Variants in ARHGAP24 observed in about 807,000 individuals in gnomAD.
ARHGAP24 encodes the protein rho GTPase-activating protein 24.
In ARHGAP24, 50 loss-of-function variants were observed where a neutral mutation model predicts 76.4. The observed-to-expected ratio is 0.65, with a 90% CI of 0.52 to 0.83. The LOEUF (loss-of-function observed/expected upper bound fraction) is 0.83. Ranked by LOEUF, ARHGAP24 falls within the 40% of genes least tolerant of loss-of-function variation. The probability of loss-of-function intolerance (pLI) is 0.00; values close to 1 mark genes in which losing one functional copy is unlikely to be tolerated. For missense variants in ARHGAP24, 930 were observed against 914.2 expected (o/e 1.02, Z -0.22); for synonymous variants, 345 against 323.3 (o/e 1.07, Z -0.72).
At chr4:85,690,802 G>A (rs1356352216) in intron 2 of ARHGAP24, among the ~76,000 whole-genome samples, 7 of 141,748 alleles carry the variant, frequency 4.9e-5, no homozygotes, top group Non-Finnish European at 6.0e-5. Context: ...TGGTTTCATC[G>A]ATCTTTTGTA....
chr4:85,921,910 C>G (rs1357269090), intron 3 of ARHGAP24, among the ~76,000 whole-genome samples: 1 of 151,488 alleles, frequency 6.6e-6, no homozygotes, highest in Non-Finnish European at 1.5e-5. Flanking sequence ...CCGAAACCAT[C>G]CCCCCCCACC....
At chr4:85,857,447 T>G (rs1373304808) in intron 3 of ARHGAP24, among the ~76,000 whole-genome samples, 1 of 152,240 alleles carries the variant, frequency 6.6e-6, no homozygotes, top group East Asian at 1.9e-4. Context: ...CACTGATAGT[T>G]TATTAAGAAA....
At chr4:85,745,749 T>C (rs935832950) in intron 3 of ARHGAP24, among the ~76,000 whole-genome samples, 3 of 152,160 alleles carry the variant, frequency 2.0e-5, no homozygotes, top group African/African-American at 7.2e-5. Context: ...ATTACCAAAC[T>C]AAGTGTAATA....
chr4:85,607,042 G>C (rs1212372540), intron 2 of ARHGAP24, among the ~76,000 whole-genome samples: 1 of 152,204 alleles, frequency 6.6e-6, no homozygotes, highest in African/African-American at 2.4e-5. Context: ...AAGGGTATCT[G>C]CAGTTCTCTC....
At chr4:85,523,737 C>A (rs574621320) in intron 1 of ARHGAP24, among the ~76,000 whole-genome samples, 2 of 151,780 alleles carry the variant, frequency 1.3e-5, no homozygotes, top group East Asian at 3.9e-4. Flanking sequence ...TAGTTAGCAA[C>A]AGGGTCACTT....
chr4:85,763,035 G>T lies in ARHGAP24; in HGVS notation c.268+41063G>T, dbSNP rs540685653. ...TATCTAAAATGAAACATTTTTAAAAGCACCATTTTACCATTTTTTGCATCT... is the reference window on the plus strand; with the variant it reads ...TATCTAAAATGAAACATTTTTAAAATCACCATTTTACCATTTTTTGCATCT... On this transcript the variant is annotated intron_variant, in intron 3 of 9. Coordinates refer to ENST00000395184, the MANE Select transcript of ARHGAP24 (RefSeq NM_001025616.3). Among the ~76,000 whole-genome samples the T allele has an allele frequency of 1.7e-3, 257 of 152,190 alleles. 1 individual carries two copies. The highest frequency in any genetic ancestry group is 5.9e-3 in the African/African-American group (246 of 41,528).
At chr4:85,906,488 A>G (rs367879077) in intron 3 of ARHGAP24, among the ~76,000 whole-genome samples, 7 of 152,192 alleles carry the variant, frequency 4.6e-5, no homozygotes, top group African/African-American at 1.4e-4. Context: ...TGAATTTTCT[A>G]TGATAACTAG....
intron 5 of ARHGAP24, among the ~76,000 whole-genome samples, chr4:85,953,933 G>A (rs530205734): frequency 1.1e-4 from 17 of 152,270 alleles, no homozygotes; most frequent in African/African-American, 2.6e-4. Context: ...GGCCAGTGAG[G>A]CAACAGAGAT....
At chr4:85,721,771 G>GCATCTTACTGTATACTGTATA in intron 2 of ARHGAP24, 114 bp from the exon 3 acceptor site, 1 of 848,054 alleles carries the variant, frequency 1.2e-6, no homozygotes. Context: ...AGATTCTGAT[G>GCATCTTACTGTATACTGTATA]CATCTTACTG....
chr4:85,610,630 C>G lies in ARHGAP24; in HGVS notation c.180+39909C>G, dbSNP rs184994044. On this transcript the variant is annotated intron_variant, in intron 2 of 9. Transcript: ENST00000395184. ...ATTATCTCAAGGTGGTTTCTAGCGTCGTGGGGAAAAAGTGTCACACTGATT... is the reference window on the plus strand; with the variant it reads ...ATTATCTCAAGGTGGTTTCTAGCGTGGTGGGGAAAAAGTGTCACACTGATT... 9.9e-5 allele frequency among the ~76,000 whole-genome samples: 15 copies of G among 152,106 alleles called. No individual in the cohort carries two copies. The East Asian group carries it at 2.7e-3, about 27-fold the overall frequency.
At chr4:85,905,246 AAGG>A (rs1275983749) in intron 3 of ARHGAP24, among the ~76,000 whole-genome samples, 12 of 152,156 alleles carry the variant, frequency 7.9e-5, no homozygotes, top group African/African-American at 2.9e-4. Flanking sequence ...GAGGAGAAAG[AAGG>A]GTGAGAGATG....
At chr4:85,488,560 G>A (rs948238667) in intron 1 of ARHGAP24, among the ~76,000 whole-genome samples, 1 of 152,222 alleles carries the variant, frequency 6.6e-6, no homozygotes, top group East Asian at 1.9e-4. Context: ...ATTGGAAAAT[G>A]AATCCAAAGT....
At chr4:85,932,932 T>TG (rs1202849035) in intron 4 of ARHGAP24, among the ~76,000 whole-genome samples, 2 of 152,188 alleles carry the variant, frequency 1.3e-5, no homozygotes, top group Non-Finnish European at 2.9e-5. Context: ...ACCTTGCTCT[T>TG]GCTGCAGTCA....
chr4:85,523,493 A>C (rs1012498743), intron 1 of ARHGAP24, among the ~76,000 whole-genome samples: 1 of 152,134 alleles, frequency 6.6e-6, no homozygotes, highest in African/African-American at 2.4e-5. Context: ...AAACATAAGC[A>C]CTCCTTAAAC....
At chr4:85,808,680 G>A (rs1728890595) in intron 3 of ARHGAP24, among the ~76,000 whole-genome samples, 1 of 152,170 alleles carries the variant, frequency 6.6e-6, no homozygotes, top group Non-Finnish European at 1.5e-5. Context: ...TAGAATTAAA[G>A]AAAGTTGGTC....
chr4:85,673,306 C>T (rs531909341), intron 2 of ARHGAP24, among the ~76,000 whole-genome samples: 1 of 152,232 alleles, frequency 6.6e-6, no homozygotes, highest in South Asian at 2.1e-4. Flanking sequence ...CAAGGTGTCC[C>T]CACTCACCTA....
At chr4:85,542,809 T>G (rs1415397372) in intron 1 of ARHGAP24, among the ~76,000 whole-genome samples, 1 of 152,216 alleles carries the variant, frequency 6.6e-6, no homozygotes, top group Non-Finnish European at 1.5e-5. Context: ...ACTGCTTGGC[T>G]TGAATTCTGG....
intron 2 of ARHGAP24, among the ~76,000 whole-genome samples, chr4:85,637,973 C>G (rs1218425607): frequency 6.6e-6 from 1 of 152,072 alleles, no homozygotes; most frequent in Non-Finnish European, 1.5e-5. Flanking sequence ...TGCCTTGTCT[C>G]CTGAGCAGAA....
intron 3 of ARHGAP24, among the ~76,000 whole-genome samples, chr4:85,725,588 A>G (rs555903701): frequency 9.5e-4 from 144 of 152,312 alleles, no homozygotes; most frequent in African/African-American, 3.2e-3. Flanking sequence ...GCCCCTTCAC[A>G]CTGACTGGTC....
Sources: allele counts gnomAD v4.1 joint callset (sites outside exome capture counted in the v4.1 genomes callset), GRCh38; gene constraint gnomAD v4.1.1; transcripts MANE v1.5; gene names NCBI Gene and HGNC (gene_info 2026-07-23, HGNC 2026-07-21).